CHMP2B: variants seen among roughly 807,000 people sequenced by gnomAD.
CHMP2B encodes the protein charged multivesicular body protein 2B.
In CHMP2B, 22 loss-of-function variants were observed where a neutral mutation model predicts 29.8. The observed-to-expected ratio is 0.74, with a 90% CI of 0.53 to 1.05. CHMP2B has a LOEUF of 1.05. CHMP2B is among the 50% of genes least tolerant of loss of function. The probability of loss-of-function intolerance (pLI) is 0.00; values close to 1 mark genes in which losing one functional copy is unlikely to be tolerated. For missense variants in CHMP2B, 261 were observed against 252.2 expected (o/e 1.03, Z -0.24); for synonymous variants, 78 against 75.8 (o/e 1.03, Z -0.15).
chr3:87,231,576 C>T (rs886943873), intron 1 of CHMP2B, among the ~76,000 whole-genome samples: 8 of 152,134 alleles, frequency 5.3e-5, no homozygotes, highest in African/African-American at 1.9e-4. Context: ...TATGAAATCT[C>T]TGGCACCAAC....
At chr3:87,250,907 A>C (rs919821262) in intron 4 of CHMP2B, among the ~76,000 whole-genome samples, 3 of 151,916 alleles carry the variant, frequency 2.0e-5, no homozygotes, top group Non-Finnish European at 2.9e-5. Context: ...CCGACCCTTC[A>C]TAGCACCCTC....
rs751339317 is a variant in CHMP2B at position 87,253,457 on chromosome 3, C to A, written c.478C>A (p.Gln160Lys). Residue 160 changes from glutamine (Q) to lysine (K), a missense_variant, in exon 5 of 6, where the codon CAG (glutamine) becomes AAG (lysine). Gln to Lys is a moderately conservative substitution (Grantham distance 53). Coordinates refer to ENST00000263780, the MANE Select transcript of CHMP2B (RefSeq NM_014043.4). ...FDGSDDEEES[Q>K]DIVNQVLDEI... ...CGGTTCTGATGACGAAGAAGAAAGCCAGGATATTGTGAATCAAGTTCTTGA... is the reference window on the plus strand; with the variant it reads ...CGGTTCTGATGACGAAGAAGAAAGCAAGGATATTGTGAATCAAGTTCTTGA... The A allele has an allele frequency of 6.2e-7, 1 of 1,611,942 alleles. No homozygotes were observed. Among genetic ancestry groups the A allele is most frequent in the South Asian group, 1.1e-5 (1 of 91,022 alleles).
At chr3:87,235,610 G>A (rs769037208) in intron 1 of CHMP2B, among the ~76,000 whole-genome samples, 24 of 152,062 alleles carry the variant, frequency 1.6e-4, no homozygotes, top group Non-Finnish European at 2.6e-4. Context: ...ATTATATTGA[G>A]AAAAATTAAA....
chr3:87,238,164 A>G (rs1003859318), intron 1 of CHMP2B, among the ~76,000 whole-genome samples: 6 of 152,192 alleles, frequency 3.9e-5, no homozygotes, highest in African/African-American at 1.2e-4. Context: ...ATAACTATAG[A>G]ATAACTATAA....
intron 4 of CHMP2B, among the ~76,000 whole-genome samples, chr3:87,250,447 A>G (rs1706295145): frequency 6.6e-6 from 1 of 151,996 alleles, no homozygotes; most frequent in Non-Finnish European, 1.5e-5. Flanking sequence ...GAGACAGAGC[A>G]TATAAAAATT....
rs141107446 is a variant in CHMP2B, at chr3:87,235,252, G to A, written c.35-5447G>A. On this transcript the variant is annotated intron_variant, in intron 1 of 5. Transcript: ENST00000263780. ...AAAAACATTAAAATTGCCTCAGACCGTTCTCATATTATTCCTTCTGTATTA... is the reference window on the plus strand; with the variant it reads ...AAAAACATTAAAATTGCCTCAGACCATTCTCATATTATTCCTTCTGTATTA... Among the ~76,000 whole-genome samples the A allele has an allele frequency of 3.4e-3, 516 of 152,196 alleles. 4 individuals are homozygous for A. The highest frequency in any genetic ancestry group is 0.012 in the African/African-American group (479 of 41,536).
At chr3:87,229,630 G>T (rs1361252300) in intron 1 of CHMP2B, among the ~76,000 whole-genome samples, 1 of 152,008 alleles carries the variant, frequency 6.6e-6, no homozygotes, top group Non-Finnish European at 1.5e-5. Flanking sequence ...TGTATATTAT[G>T]AATATGAAGT....
At chr3:87,238,789 A>G (rs533069433) in intron 1 of CHMP2B, among the ~76,000 whole-genome samples, 1 of 152,140 alleles carries the variant, frequency 6.6e-6, no homozygotes, top group Non-Finnish European at 1.5e-5. Flanking sequence ...TTGAATACTT[A>G]TTTCACTTCT....
Position 87,253,491 on chromosome 3 carries a change from G to T in CHMP2B, c.512G>T (p.Gly171Val). 1 of 1,608,012 alleles carries T rather than the reference G, an allele frequency of 6.2e-7. No individual in the cohort carries two copies. The highest frequency in any genetic ancestry group is 8.5e-7 in the Non-Finnish European group (1 of 1,174,806). ...DIVNQVLDEIGIEISGKMAKA... is the reference protein window; with the variant it reads ...DIVNQVLDEIVIEISGKMAKA... Reference sequence around the variant, plus strand: ...GTGAATCAAGTTCTTGATGAAATTGGAATTGAAATTTCTGGAAAGGTATGA... The same window carrying T: ...GTGAATCAAGTTCTTGATGAAATTGTAATTGAAATTTCTGGAAAGGTATGA... The change falls in exon 5 of 6, where the codon GGA becomes GTA. Residue 171 changes from glycine to valine, a missense_variant. Coordinates refer to ENST00000263780, the MANE Select transcript of CHMP2B (RefSeq NM_014043.4).
chr3:87,250,116 T>G, intron 4 of CHMP2B, 139 bp downstream of exon 4: 2 of 574,110 alleles, frequency 3.5e-6, no homozygotes, highest in Non-Finnish European at 6.3e-6. Flanking sequence ...CTATTTGTAT[T>G]TAACTGAGGG....
intron 1 of CHMP2B, among the ~76,000 whole-genome samples, chr3:87,232,256 A>C (rs1705922206): frequency 1.3e-5 from 2 of 152,176 alleles, no homozygotes; most frequent in African/African-American, 4.8e-5. Context: ...TGAGGTTTTG[A>C]CTAAGTTGGG....
chr3:87,245,740 G>A lies in CHMP2B; in HGVS notation c.153G>A (p.Lys51=). The A allele has an allele frequency of 6.2e-7, 1 of 1,613,600 alleles. No individual in the cohort carries two copies. The highest frequency in any genetic ancestry group is 8.5e-7 in the Non-Finnish European group (1 of 1,179,816). The change falls in exon 3 of 6, where the codon AAG becomes AAA. Residue 51 remains lysine (K), a synonymous_variant. Transcript: ENST00000263780. ...AATTAGAAATTAAGAAAATGGCCAA[G>A]ATTGGTAATAAGGAAGCTTGCAAAG... ...QLELEIKKMA[K]IGNKEACKVL... is the part of the protein sequence containing the mutation.
At chr3:87,227,686 C>T (rs1705838275) in intron 1 of CHMP2B, 130 bp downstream of exon 1, 3 of 1,137,308 alleles carry the variant, frequency 2.6e-6, no homozygotes. Context: ...AGGTGACCGC[C>T]CTCGCGGCAC....
chr3:87,233,615 G>A lies in CHMP2B; in HGVS notation c.34+6059G>A, dbSNP rs547488344. 1.4e-4 allele frequency among the ~76,000 whole-genome samples: 21 copies of A among 152,206 alleles called. 1 individual carries two copies. In the East Asian group the frequency reaches 2.9e-3, roughly 21 times the overall value. ...GCACAATCAGGATTTGTCCAGTGCT[G>A]TTACCAGTGTCACAGTGCCCACTAT... is the stretch of plus-strand genomic sequence containing the variant. On this transcript the variant is annotated intron_variant, in intron 1 of 5. Transcript: ENST00000263780.
chr3:87,249,385 GT>G (rs1419025889), intron 3 of CHMP2B, among the ~76,000 whole-genome samples: 1 of 151,928 alleles, frequency 6.6e-6, no homozygotes, highest in African/African-American at 2.4e-5. Flanking sequence ...TTTTCACATA[GT>G]TTTTCAAAGC....
At chr3:87,238,395 G>T (rs1214164407) in intron 1 of CHMP2B, among the ~76,000 whole-genome samples, 1 of 152,018 alleles carries the variant, frequency 6.6e-6, no homozygotes, top group Non-Finnish European at 1.5e-5. Context: ...ACCACCACCT[G>T]TATCTAGTTC....
intron 3 of CHMP2B, among the ~76,000 whole-genome samples, chr3:87,248,305 AAG>A (rs1053091125): frequency 4.0e-5 from 6 of 151,402 alleles, no homozygotes; most frequent in Non-Finnish European, 5.9e-5. Context: ...CTCAAAAAAA[AAG>A]AGAGAGAGAG....
intron 1 of CHMP2B, among the ~76,000 whole-genome samples, chr3:87,229,921 C>T (rs1197407955): frequency 6.6e-6 from 1 of 152,094 alleles, no homozygotes; most frequent in East Asian, 1.9e-4. Flanking sequence ...CATTTTGACA[C>T]AAAGATGAAC....
At chr3:87,238,195 A>C (rs1034255043) in intron 1 of CHMP2B, among the ~76,000 whole-genome samples, 1 of 152,232 alleles carries the variant, frequency 6.6e-6, no homozygotes, top group African/African-American at 2.4e-5. Context: ...AAAGATAAAG[A>C]TTTTTGGCTT....
Sources: allele counts gnomAD v4.1 joint callset (sites outside exome capture counted in the v4.1 genomes callset), GRCh38; gene constraint gnomAD v4.1.1; transcripts MANE v1.5; gene names NCBI Gene and HGNC (gene_info 2026-07-23, HGNC 2026-07-21).